The following INPP5F variants were observed in gnomAD, a reference collection of about 807,000 sequenced individuals.
INPP5F encodes the protein inositol polyphosphate-5-phosphatase F.
A neutral mutation model predicts 137.2 loss-of-function variants in INPP5F; 97 were observed. The ratio of observed to expected loss-of-function variants is 0.71; its 90% CI spans 0.60 to 0.84. The LOEUF is 0.84. INPP5F is among the 40% of genes least tolerant of loss of function. The probability of loss-of-function intolerance (pLI) is 0.00; values close to 1 mark genes in which losing one functional copy is unlikely to be tolerated. For synonymous variants in INPP5F, 504 were observed against 476.9 expected (o/e 1.06, Z -0.74); for missense variants, 1,271 against 1,371.9 (o/e 0.93, Z 1.16).
intron 3 of INPP5F, 45 bp downstream of exon 3, chr10:119,781,816 T>G: frequency 6.8e-7 from 1 of 1,466,604 alleles, no homozygotes; most frequent in African/African-American, 1.4e-5. Flanking sequence ...GATATAAATG[T>G]AATAGCAAAT....
At chr10:119,752,112 G>C (rs1848705738) in intron 2 of INPP5F, among the ~76,000 whole-genome samples, 1 of 152,100 alleles carries the variant, frequency 6.6e-6, no homozygotes, top group South Asian at 2.1e-4. Context: ...ATTGATTTTT[G>C]TGTATTAGAA....
intron 3 of INPP5F, among the ~76,000 whole-genome samples, chr10:119,785,575 A>AGAGAGAGAGAGAGAGAGACT (rs1435677238): frequency 3.3e-5 from 5 of 150,556 alleles, no homozygotes; most frequent in East Asian, 2.0e-4. Context: ...AGAGAGAGAG[A>AGAGAGAGAGAGAGAGAGACT]GAGACTGAGA....
chr10:119,743,922 G>A (rs1848450457), intron 1 of INPP5F, among the ~76,000 whole-genome samples: 1 of 152,096 alleles, frequency 6.6e-6, no homozygotes, highest in Non-Finnish European at 1.5e-5. Context: ...ATAATCTTGA[G>A]AGATATAAAA....
chr10:119,755,843 A>G (rs773059806), intron 2 of INPP5F, among the ~76,000 whole-genome samples: 1 of 152,216 alleles, frequency 6.6e-6, no homozygotes, highest in Non-Finnish European at 1.5e-5. Flanking sequence ...TAAAACTCAC[A>G]TAAAGTGAGT....
intron 13 of INPP5F, among the ~76,000 whole-genome samples, chr10:119,808,546 G>A (rs1850894156): frequency 6.6e-6 from 1 of 152,156 alleles, no homozygotes; most frequent in African/African-American, 2.4e-5. Flanking sequence ...AGACTGTTAT[G>A]GGATCATATG....
chr10:119,736,849 T>A (rs1009281736), intron 1 of INPP5F, among the ~76,000 whole-genome samples: 3 of 152,250 alleles, frequency 2.0e-5, no homozygotes, highest in African/African-American at 4.8e-5. Flanking sequence ...TTAATTTTTT[T>A]AGAGACAGGG....
At chr10:119,805,775 C>G (rs764678954) in intron 11 of INPP5F, among the ~76,000 whole-genome samples, 30 of 152,184 alleles carry the variant, frequency 2.0e-4, no homozygotes, top group Non-Finnish European at 3.7e-4. Context: ...GTTCCTAACA[C>G]AGGAAGGAAG....
At chr10:119,744,121 CTGTT>C (rs1252650256) in intron 1 of INPP5F, among the ~76,000 whole-genome samples, 1 of 150,870 alleles carries the variant, frequency 6.6e-6, no homozygotes, top group African/African-American at 2.5e-5. Flanking sequence ...CTCTTCTATT[CTGTT>C]TTAGTGCTAT....
chr10:119,755,301 C>G (rs75010502), intron 2 of INPP5F, among the ~76,000 whole-genome samples: 7 of 152,144 alleles, frequency 4.6e-5, no homozygotes, highest in African/African-American at 7.2e-5. Flanking sequence ...TGGTTCCTCC[C>G]GAAGCCTCTG....
intron 2 of INPP5F, among the ~76,000 whole-genome samples, chr10:119,780,926 CG>C (rs556542158): frequency 3.3e-5 from 5 of 152,280 alleles, no homozygotes; most frequent in East Asian, 3.9e-4. Context: ...TTGGTATCCA[CG>C]GGGGGTCCTG....
intron 2 of INPP5F, among the ~76,000 whole-genome samples, chr10:119,762,690 ATAC>A (rs1197259380): frequency 4.6e-5 from 7 of 152,210 alleles, no homozygotes; most frequent in African/African-American, 7.2e-5. Flanking sequence ...GGAAATATTA[ATAC>A]TATGCCATTT....
chr10:119,795,421 G>T (rs1263666224), intron 6 of INPP5F, among the ~76,000 whole-genome samples: 1 of 150,410 alleles, frequency 6.6e-6, no homozygotes, highest in Non-Finnish European at 1.5e-5. Context: ...GGGCAGAGAC[G>T]CTCCTCACAT....
intron 1 of INPP5F, among the ~76,000 whole-genome samples, chr10:119,737,447 C>T (rs185424187): frequency 1.3e-5 from 2 of 152,258 alleles, no homozygotes; most frequent in East Asian, 3.9e-4. Context: ...TAAAGAATAC[C>T]TATTCCAGGG....
chr10:119,730,460 C>T (rs1436485284), intron 1 of INPP5F, among the ~76,000 whole-genome samples: 1 of 152,118 alleles, frequency 6.6e-6, no homozygotes, highest in Non-Finnish European at 1.5e-5. Context: ...TGTAAACATT[C>T]AGTAATCTTC....
At chr10:119,758,026 C>T (rs1848901513) in intron 2 of INPP5F, among the ~76,000 whole-genome samples, 1 of 152,050 alleles carries the variant, frequency 6.6e-6, no homozygotes, top group Admixed American at 6.5e-5. Context: ...CTACTGTGTC[C>T]CATGGCCTGT....
At chr10:119,795,702 G>A (rs1002039557) in intron 6 of INPP5F, among the ~76,000 whole-genome samples, 8 of 152,146 alleles carry the variant, frequency 5.3e-5, no homozygotes, top group Non-Finnish European at 7.4e-5. Context: ...CTGCAATCTC[G>A]GCACTTTGGG....
Position 119,756,865 on chromosome 10 carries a change from CAA to C in INPP5F, c.178+5729_178+5730del, listed in dbSNP as rs11415974. Among the ~76,000 whole-genome samples, 289 of 97,308 alleles carry C rather than the reference CAA, an allele frequency of 3.0e-3. 1 individual carries two copies. Among genetic ancestry groups the C allele is most frequent in the African/African-American group, 0.011 (269 of 24,696 alleles). The allele number at this position is 97,308 out of a possible 152,430, so 63.8% of individuals were successfully genotyped here. A position where few individuals can be genotyped will look rare whatever the true frequency, so the allele number is the denominator to read the frequency against. On this transcript the variant is annotated intron_variant, in intron 2 of 19. Transcript: ENST00000650623. ...CCTGCCCTTTTAGCAAGCTCTGCCA[CAA>C]AAAAAAAAAAAAAAAAAAAGGTTCT...
chr10:119,793,772 A>G (rs1850230216), intron 6 of INPP5F, among the ~76,000 whole-genome samples: 1 of 152,042 alleles, frequency 6.6e-6, no homozygotes, highest in African/African-American at 2.4e-5. Flanking sequence ...CAGCCTCCCA[A>G]GTAGCTGGGA....
At chr10:119,824,753 A>G (rs1851697015) in intron 19 of INPP5F, among the ~76,000 whole-genome samples, 1 of 152,066 alleles carries the variant, frequency 6.6e-6, no homozygotes. Flanking sequence ...TCCTGTCATG[A>G]TCTATGGTCA....
Sources: allele counts gnomAD v4.1 joint callset (sites outside exome capture counted in the v4.1 genomes callset), GRCh38; gene constraint gnomAD v4.1.1; transcripts MANE v1.5; gene names NCBI Gene and HGNC (gene_info 2026-07-23, HGNC 2026-07-21).